PLCXD3: variants seen among roughly 807,000 people sequenced by gnomAD.
PLCXD3 encodes the protein PI-PLC X domain-containing protein 3.
Under a neutral mutation model 25.5 loss-of-function variants are expected in PLCXD3, and 19 were observed. The ratio of observed to expected loss-of-function variants is 0.75; its 90% CI spans 0.52 to 1.09. The LOEUF is 1.09. Ranked by LOEUF, PLCXD3 falls within the 50% of genes least tolerant of loss-of-function variation. The pLI is 0.00. For synonymous variants in PLCXD3, 174 were observed against 137.6 expected, an observed-to-expected ratio of 1.26 and a Z score of -1.85; for missense variants, 411 against 388.1, an observed-to-expected ratio of 1.06 and a Z score of -0.50.
intron 1 of PLCXD3, among the ~76,000 whole-genome samples, chr5:41,403,499 AC>A (rs1580354041): frequency 1.4e-5 from 1 of 72,788 alleles, no homozygotes; most frequent in East Asian, 2.6e-4. Flanking sequence ...GGTGCGCTGC[AC>A]CCACTAATGT....
chr5:41,369,337 T>A (rs1314617818), intron 2 of PLCXD3, among the ~76,000 whole-genome samples: 1 of 152,192 alleles, frequency 6.6e-6, no homozygotes, highest in Non-Finnish European at 1.5e-5. Flanking sequence ...AACTACACAC[T>A]TGATCAAATT....
intron 1 of PLCXD3, among the ~76,000 whole-genome samples, chr5:41,473,444 TTTAATTAA>T (rs10644970): frequency 6.6e-6 from 1 of 150,478 alleles, no homozygotes; most frequent in Non-Finnish European, 1.5e-5. Context: ...CCATTACTTT[TTTAATTAA>T]TTAATTAATT....
At chr5:41,316,192 G>T (rs1743285944) in intron 2 of PLCXD3, among the ~76,000 whole-genome samples, 1 of 152,166 alleles carries the variant, frequency 6.6e-6, no homozygotes, top group Non-Finnish European at 1.5e-5. Context: ...TAGGGCACCA[G>T]TCAGAGTCAT....
At chr5:41,471,068 G>A (rs1748145731) in intron 1 of PLCXD3, among the ~76,000 whole-genome samples, 1 of 152,106 alleles carries the variant, frequency 6.6e-6, no homozygotes, top group South Asian at 2.1e-4. Flanking sequence ...AGCAGGGCAG[G>A]GGTCAGTGTA....
intron 2 of PLCXD3, among the ~76,000 whole-genome samples, chr5:41,370,857 G>A (rs531319946): frequency 7.2e-5 from 11 of 152,208 alleles, no homozygotes; most frequent in African/African-American, 1.4e-4. Context: ...GTGAAACCTC[G>A]GGAAGACAAA....
intron 1 of PLCXD3, among the ~76,000 whole-genome samples, chr5:41,398,763 A>G (rs1297167435): frequency 6.6e-6 from 1 of 152,182 alleles, no homozygotes; most frequent in East Asian, 1.9e-4. Flanking sequence ...AGCTAGTATT[A>G]TACTGAACGG....
chr5:41,320,527 C>T (rs757368313), intron 2 of PLCXD3, among the ~76,000 whole-genome samples: 4 of 152,310 alleles, frequency 2.6e-5, no homozygotes, highest in Middle Eastern at 6.8e-3. Context: ...GACGGAGTCT[C>T]GCTCTGTCGC....
At chr5:41,395,716 C>A (rs1745982003) in intron 1 of PLCXD3, among the ~76,000 whole-genome samples, 1 of 151,880 alleles carries the variant, frequency 6.6e-6, no homozygotes, top group African/African-American at 2.4e-5. Context: ...ATGAAGTGGA[C>A]AAATTCCTAG....
intron 2 of PLCXD3, among the ~76,000 whole-genome samples, chr5:41,379,336 C>T (rs1467698228): frequency 6.6e-6 from 1 of 151,990 alleles, no homozygotes; most frequent in Admixed American, 6.6e-5. Context: ...TGTTAATTAC[C>T]AGAAAAAATA....
rs534974038 is a variant in PLCXD3, at chr5:41,503,481, A to G, written c.103+6943T>C. Reference sequence around the variant, plus strand: ...TAACAAGAGTGCATCTAACAGATCCATGGGCCATCTGTTTCAGTACCTGAC... The same window carrying G: ...TAACAAGAGTGCATCTAACAGATCCGTGGGCCATCTGTTTCAGTACCTGAC... On this transcript the variant is annotated intron_variant, in intron 1 of 2. Transcript: ENST00000377801. 2.6e-5 allele frequency among the ~76,000 whole-genome samples: 4 copies of G among 152,296 alleles called. No homozygotes were observed. In the East Asian group the frequency reaches 5.8e-4, roughly 22 times the overall value.
chr5:41,393,943 A>G (rs1745919398), intron 1 of PLCXD3, among the ~76,000 whole-genome samples: 1 of 152,082 alleles, frequency 6.6e-6, no homozygotes, highest in African/African-American at 2.4e-5. Flanking sequence ...AAGAAAAAAA[A>G]CAAAAACACC....
chr5:41,347,290 A>G (rs563949520), intron 2 of PLCXD3, among the ~76,000 whole-genome samples: 1 of 152,212 alleles, frequency 6.6e-6, no homozygotes, highest in Non-Finnish European at 1.5e-5. Context: ...AAAGTTAGAA[A>G]AAATTAGAAA....
chr5:41,341,453 C>T (rs1744146221), intron 2 of PLCXD3, among the ~76,000 whole-genome samples: 1 of 152,130 alleles, frequency 6.6e-6, no homozygotes, highest in Admixed American at 6.5e-5. Flanking sequence ...TATGAATACT[C>T]ATGCAAATTT....
At chr5:41,369,099 G>A (rs1369477205) in intron 2 of PLCXD3, among the ~76,000 whole-genome samples, 1 of 152,102 alleles carries the variant, frequency 6.6e-6, no homozygotes, top group Admixed American at 6.5e-5. Context: ...GCAAGGGTGT[G>A]GAATTCTCCT....
chr5:41,313,484 C>CT lies in PLCXD3; in HGVS notation c.*132dup. The CT allele has an allele frequency of 9.9e-7, 1 of 1,011,992 alleles. No homozygotes were observed. Among genetic ancestry groups the CT allele is most frequent in the Non-Finnish European group, 1.4e-6 (1 of 699,014 alleles). 62.7% of individuals were successfully genotyped at this position (1,011,992 alleles called of 1,614,324 possible). A position where few individuals can be genotyped will look rare whatever the true frequency, so the allele number is the denominator to read the frequency against. ...AATCACTGAAGAAACAGTTTTTCCC[C>CT]TTTTCCCACCCACTACCAGCCCTAT... On this transcript the variant is annotated 3_prime_UTR_variant, in exon 3 of 3. Transcript: ENST00000377801.
intron 1 of PLCXD3, among the ~76,000 whole-genome samples, chr5:41,405,727 A>AT (rs1044539070): frequency 9.9e-5 from 15 of 152,136 alleles, no homozygotes; most frequent in African/African-American, 3.4e-4. Context: ...CACTAATAAC[A>AT]TTTTTTACCA....
At chr5:41,458,802 T>A (rs905315045) in intron 1 of PLCXD3, among the ~76,000 whole-genome samples, 11 of 151,974 alleles carry the variant, frequency 7.2e-5, no homozygotes, top group Non-Finnish European at 8.8e-5. Flanking sequence ...TTATTTCAGG[T>A]GCTACATACA....
chr5:41,403,055 C>A (rs1453579145), intron 1 of PLCXD3, among the ~76,000 whole-genome samples: 3 of 151,974 alleles, frequency 2.0e-5, no homozygotes, highest in African/African-American at 4.8e-5. Context: ...TCGCATCTGT[C>A]CTGCATTCCT....
chr5:41,447,287 G>A (rs189191319), intron 1 of PLCXD3, among the ~76,000 whole-genome samples: 1 of 152,162 alleles, frequency 6.6e-6, no homozygotes, highest in East Asian at 1.9e-4. Context: ...GTTAGCCAGG[G>A]TAAAAGACTC....
Sources: allele counts gnomAD v4.1 joint callset (sites outside exome capture counted in the v4.1 genomes callset), GRCh38; gene constraint gnomAD v4.1.1; transcripts MANE v1.5; gene names NCBI Gene and HGNC (gene_info 2026-07-23, HGNC 2026-07-21).